Variants in ANK1 observed in about 807,000 individuals in gnomAD.
ANK1 encodes the protein ankyrin 1, also known as ankyrin-1.
ANK1 carries 51 observed loss-of-function variants against 210.4 expected under a neutral mutation model. The ratio of observed to expected loss-of-function variants is 0.24; its 90% CI spans 0.19 to 0.31. The LOEUF (loss-of-function observed/expected upper bound fraction) is 0.31, where lower values mean the gene tolerates loss of function less well. Among genes scored for constraint, ANK1 ranks in the 10% least tolerant of loss-of-function variants. The pLI is 1.00. For synonymous variants in ANK1, 967 were observed against 1,025.9 expected (o/e 0.94, Z 1.10); for missense variants, 2,051 against 2,504.4 (o/e 0.82, Z 3.86).
At position 41,694,294 on chromosome 8, in the gene ANK1, A is replaced by G. The variant is rs1327690803; in HGVS notation, c.3328-192T>C. On this transcript the variant is annotated intron_variant, in intron 28 of 42. Coordinates refer to ENST00000289734, the MANE Select transcript of ANK1 (RefSeq NM_000037.4). The surrounding 1 kb of genome is among the most constrained non-coding windows in gnomAD (Gnocchi z 5.7). ...CCCTTCTCCTCTGCTTCTTACTCCC[A>G]GGGCTGGTGCATCTTTGCTAGCACC... is the stretch of plus-strand genomic sequence containing the variant. Among the ~76,000 whole-genome samples the G allele has an allele frequency of 6.6e-6, 1 of 152,148 alleles. No homozygotes were observed. The highest frequency in any genetic ancestry group is 1.5e-5 in the Non-Finnish European group (1 of 68,010).
At chr8:41,768,814 A>G (rs1031150885) in intron 1 of ANK1, among the ~76,000 whole-genome samples, 1 of 146,276 alleles carries the variant, frequency 6.8e-6, no homozygotes, top group Non-Finnish European at 1.5e-5. Context: ...AAAAAAAAAA[A>G]AAATTAATTA....
intron 1 of ANK1, among the ~76,000 whole-genome samples, chr8:41,778,740 G>T (rs541171772): frequency 1.3e-5 from 2 of 152,328 alleles, no homozygotes; most frequent in East Asian, 3.9e-4. Flanking sequence ...AGGTTGGAGG[G>T]AGTTTCCATC....
intron 22 of ANK1, chr8:41,700,547 T>A: frequency 7.7e-7 from 1 of 1,298,942 alleles, no homozygotes; most frequent in Non-Finnish European, 1.1e-6. Context: ...CACCAGAAGC[T>A]CTGCTTCTCT....
At chr8:41,683,979 G>A (rs1816911998) in intron 37 of ANK1, among the ~76,000 whole-genome samples, 1 of 152,158 alleles carries the variant, frequency 6.6e-6, no homozygotes, top group Non-Finnish European at 1.5e-5. Context: ...AAGGGGGAGA[G>A]GAAAAAGCAG....
chr8:41,708,063 C>T (rs530908771), intron 17 of ANK1, among the ~76,000 whole-genome samples: 82 of 152,178 alleles, frequency 5.4e-4, no homozygotes, highest in African/African-American at 1.9e-3. Flanking sequence ...GGTTTCCTTT[C>T]GGAGTGATGA....
Position 41,663,685 on chromosome 8 carries a change from C to T in ANK1, c.5452G>A (p.Glu1818Lys). The T allele has an allele frequency of 6.2e-7, 1 of 1,614,164 alleles. No homozygotes were observed. Among genetic ancestry groups the T allele is most frequent in the East Asian group, 2.2e-5 (1 of 44,888 alleles). ...EQVTEEQFTD[E>K]QGNIVTKKII... ...TTCTTGGTGACAATGTTGCCCTGCT[C>T]ATCCGTGAATTGCTCCTCTGTCACC... Residue 1818 changes from glutamate (E) to lysine (K), a missense_variant, in exon 40 of 43, where the codon GAG (glutamate) becomes AAG (lysine). Glu to Lys is a moderately conservative substitution (Grantham distance 56, BLOSUM62 1). This residue lies in a region of ANK1 where 496 missense variants were observed against 533.4 expected (regional missense o/e 0.93). Coordinates refer to ENST00000289734, the MANE Select transcript of ANK1 (RefSeq NM_000037.4).
At chr8:41,661,341 G>A (rs1808059507) in intron 42 of ANK1, 89 bp downstream of exon 42, 1 of 1,541,986 alleles carries the variant, frequency 6.5e-7, no homozygotes, top group Non-Finnish European at 8.8e-7. Context: ...CATCATGCTG[G>A]GGTGGCTGGG....
In ANK1 at chr8:41,766,566, A is replaced by T. The variant is rs189188816; in HGVS notation, c.28-8429T>A. Among the ~76,000 whole-genome samples the T allele has an allele frequency of 5.5e-3, 839 of 152,214 alleles. 8 individuals carry two copies. Among genetic ancestry groups the T allele is most frequent in the Non-Finnish European group, 7.8e-3 (529 of 67,992 alleles). ...TAATCTCTCAACCCGAACTCGGGACATTGGGAAAACCCCTGGGGTTCCCTG... is the reference window on the plus strand; with the variant it reads ...TAATCTCTCAACCCGAACTCGGGACTTTGGGAAAACCCCTGGGGTTCCCTG... On this transcript the variant is annotated intron_variant, in intron 1 of 42. Coordinates refer to ENST00000289734, the MANE Select transcript of ANK1 (RefSeq NM_000037.4).
chr8:41,705,077 C>T (rs1045314081), intron 18 of ANK1, among the ~76,000 whole-genome samples: 3 of 152,240 alleles, frequency 2.0e-5, no homozygotes, highest in Non-Finnish European at 4.4e-5. Context: ...TATTGAAATG[C>T]AAGGGCTTGG....
At chr8:41,693,022 G>A in intron 30 of ANK1, 83 bp downstream of exon 30, 1 of 1,522,862 alleles carries the variant, frequency 6.6e-7, no homozygotes. Context: ...GGACAGTGAG[G>A]GAGCCTCAGC....
chr8:41,817,070 A>G (rs1803465677), intron 1 of ANK1, among the ~76,000 whole-genome samples: 1 of 151,944 alleles, frequency 6.6e-6, no homozygotes, highest in African/African-American at 2.4e-5. Context: ...AAGACTTGTC[A>G]TTTGCCAGTT....
intron 37 of ANK1, among the ~76,000 whole-genome samples, chr8:41,680,053 G>C (rs902190970): frequency 2.6e-5 from 4 of 152,136 alleles, no homozygotes; most frequent in African/African-American, 7.2e-5. Flanking sequence ...CTGTTATCCT[G>C]TCTTGGCCAG....
chr8:41,787,897 C>T (rs1846758180), intron 1 of ANK1, among the ~76,000 whole-genome samples: 1 of 151,868 alleles, frequency 6.6e-6, no homozygotes, highest in South Asian at 2.1e-4. Context: ...AGGAAAAACA[C>T]CAGTGACCTA....
At chr8:41,732,152 A>G (rs945443714) in intron 3 of ANK1, among the ~76,000 whole-genome samples, 1 of 152,244 alleles carries the variant, frequency 6.6e-6, no homozygotes, top group African/African-American at 2.4e-5. Flanking sequence ...TTCACTTCAT[A>G]ACCATAAATT....
At chr8:41,822,708 C>T (rs572359808) in intron 1 of ANK1, among the ~76,000 whole-genome samples, 2 of 152,260 alleles carry the variant, frequency 1.3e-5, no homozygotes, top group African/African-American at 2.4e-5. Context: ...ATGAGCTAAT[C>T]CCCCGAAGGC....
At chr8:41,843,608 C>T (rs1278719484) in intron 1 of ANK1, among the ~76,000 whole-genome samples, 6 of 152,116 alleles carry the variant, frequency 3.9e-5, no homozygotes, top group Admixed American at 3.9e-4. Flanking sequence ...CCTGGAAAGG[C>T]CAAACAGATA....
chr8:41,868,683 C>A (rs1456126539), intron 1 of ANK1, among the ~76,000 whole-genome samples: 3 of 152,182 alleles, frequency 2.0e-5, no homozygotes, highest in Non-Finnish European at 4.4e-5. Flanking sequence ...CGACCCTGGT[C>A]TGATACATTA....
intron 1 of ANK1, chr8:41,896,254 G>A (rs1820512254): frequency 7.9e-6 from 11 of 1,390,878 alleles, no homozygotes; most frequent in Admixed American, 7.2e-5. Context: ...CCGCCGCACC[G>A]GGCGCCGCGC....
At chr8:41,711,737 GCCTGTAACT>G (rs1168138047) in intron 16 of ANK1, among the ~76,000 whole-genome samples, 1 of 151,994 alleles carries the variant, frequency 6.6e-6, no homozygotes, top group Non-Finnish European at 1.5e-5. Context: ...TTACGTCTTT[GCCTGTAACT>G]CCTGCCTCTC....
Sources: gnomAD v4.1 joint callset for allele counts (sites outside exome capture counted in the v4.1 genomes callset) on GRCh38, gnomAD v4.1.1 for gene constraint, gnomAD v4.1.1 regional missense constraint, Gnocchi (gnomAD v3.1) non-coding constraint, MANE v1.5 for transcripts, NCBI Gene and HGNC (gene_info 2026-07-23, HGNC 2026-07-21) for gene names.